The following CWC27 variants were observed in gnomAD, a reference collection of about 807,000 sequenced individuals.
The protein encoded by CWC27 is spliceosome-associated protein CWC27 homolog.
Under a neutral mutation model 63.6 loss-of-function variants are expected in CWC27, and 47 were observed. The ratio of observed to expected loss-of-function variants is 0.74; its 90% CI spans 0.58 to 0.94. The LOEUF is 0.94. Among genes scored for constraint, CWC27 ranks in the 40% least tolerant of loss-of-function variants. The pLI, the probability that CWC27 is intolerant of heterozygous loss-of-function variation, is 0.00. For synonymous variants in CWC27, 175 were observed against 179.8 expected (o/e 0.97, Z 0.22); for missense variants, 495 against 554.3 (o/e 0.89, Z 1.07).
At chr5:64,857,934 G>A (rs1379877868) in intron 10 of CWC27, among the ~76,000 whole-genome samples, 1 of 150,026 alleles carries the variant, frequency 6.7e-6, no homozygotes, top group East Asian at 2.0e-4. Flanking sequence ...TCAGGAGATC[G>A]AGACCATCCT....
intron 13 of CWC27, among the ~76,000 whole-genome samples, chr5:64,999,905 A>C (rs2112465036): frequency 6.6e-6 from 1 of 151,090 alleles, no homozygotes; most frequent in East Asian, 1.9e-4. Context: ...TTTCTGAGAA[A>C]CCTCCATACT....
intron 11 of CWC27, among the ~76,000 whole-genome samples, chr5:64,968,640 C>A (rs1434925187): frequency 1.3e-5 from 2 of 152,036 alleles, no homozygotes; most frequent in Admixed American, 6.5e-5. Context: ...CTAGTAATGG[C>A]AAAAATGTGG....
intron 7 of CWC27, among the ~76,000 whole-genome samples, chr5:64,799,915 G>A (rs1353898807): frequency 1.3e-5 from 2 of 151,904 alleles, no homozygotes; most frequent in African/African-American, 2.4e-5. Flanking sequence ...CTCTTGTGAT[G>A]TAGCTTCTAA....
intron 13 of CWC27, 112 bp downstream of exon 13, chr5:64,977,350 A>G (rs980523174): frequency 3.0e-6 from 2 of 667,184 alleles, no homozygotes; most frequent in African/African-American, 3.7e-5. Context: ...TACCATCACC[A>G]TTATAGGACC....
intron 10 of CWC27, among the ~76,000 whole-genome samples, chr5:64,812,406 A>G (rs191933400): frequency 6.2e-4 from 95 of 152,224 alleles, no homozygotes; most frequent in African/African-American, 2.2e-3. Context: ...TTTTGTCCCA[A>G]CGTGTTGGAC....
chr5:64,981,898 A>G (rs1452847581), intron 13 of CWC27, among the ~76,000 whole-genome samples: 19 of 152,236 alleles, frequency 1.2e-4, no homozygotes, highest in Admixed American at 1.2e-3. Context: ...TCCTTCTACG[A>G]TAACCCTATG....
intron 10 of CWC27, among the ~76,000 whole-genome samples, chr5:64,835,428 T>C (rs781104548): frequency 1.3e-5 from 2 of 151,854 alleles, no homozygotes; most frequent in African/African-American, 2.4e-5. Flanking sequence ...ATGCAAACCC[T>C]GTAGATTGCT....
intron 11 of CWC27, among the ~76,000 whole-genome samples, chr5:64,895,269 G>A (rs1451194256): frequency 2.6e-5 from 4 of 151,726 alleles, no homozygotes; most frequent in African/African-American, 7.3e-5. Flanking sequence ...TATAGCATAT[G>A]ATATGTGAAA....
chr5:64,904,089 C>G lies in CWC27; in HGVS notation c.1042+18543C>G, dbSNP rs1301328459. Among the ~76,000 whole-genome samples the G allele has an allele frequency of 2.0e-5, 3 of 152,314 alleles. No individual in the cohort carries two copies. In the East Asian group the frequency reaches 5.8e-4, roughly 29 times the overall value. On this transcript the variant is annotated intron_variant, in intron 11 of 13. Transcript: ENST00000381070. ...CCTTCATGAGCAGTCTCCTCAAAGA[C>G]CACCATGCTTCTACAAACAGTTTAA...
At chr5:64,823,094 T>C (rs1259708822) in intron 10 of CWC27, among the ~76,000 whole-genome samples, 6 of 152,210 alleles carry the variant, frequency 3.9e-5, no homozygotes, top group Non-Finnish European at 5.9e-5. Context: ...TTTCTGAATC[T>C]CCTGCTTCCT....
At chr5:64,901,150 T>C (rs1166464093) in intron 11 of CWC27, among the ~76,000 whole-genome samples, 1 of 152,220 alleles carries the variant, frequency 6.6e-6, no homozygotes, top group African/African-American at 2.4e-5. Flanking sequence ...TATAGCATAT[T>C]ACTGTACTGA....
At chr5:64,937,921 C>CTTTTTTTTTT (rs1211082437) in intron 11 of CWC27, among the ~76,000 whole-genome samples, 20 of 99,296 alleles carry the variant, frequency 2.0e-4, no homozygotes, top group African/African-American at 8.0e-4. Context: ...GCAATCTCTG[C>CTTTTTTTTTT]TTTTTTTTTT....
intron 13 of CWC27, among the ~76,000 whole-genome samples, chr5:64,980,402 A>G (rs918347105): frequency 6.6e-6 from 1 of 152,188 alleles, no homozygotes; most frequent in Non-Finnish European, 1.5e-5. Context: ...GGTTAGATGA[A>G]GCTTGGTGAG....
rs114176222 is a variant in CWC27, at chr5:64,872,528, A to G, written c.939-12915A>G. On this transcript the variant is annotated intron_variant, in intron 10 of 13. Transcript: ENST00000381070. Reference sequence around the variant, plus strand: ...TACATGCCGATGAAAGTCTAGATGAATGCCAGAGAAACTTCCACCTCATTT... The same window carrying G: ...TACATGCCGATGAAAGTCTAGATGAGTGCCAGAGAAACTTCCACCTCATTT... Among the ~76,000 whole-genome samples, 428 of 152,344 alleles carry G rather than the reference A, an allele frequency of 2.8e-3. 5 individuals carry two copies. The highest frequency in any genetic ancestry group is 9.7e-3 in the African/African-American group (405 of 41,580).
intron 2 of CWC27, among the ~76,000 whole-genome samples, chr5:64,776,484 CT>C (rs1743460504): frequency 6.6e-6 from 1 of 151,876 alleles, no homozygotes; most frequent in Admixed American, 6.6e-5. Context: ...AATTATTCCC[CT>C]ATTTATAATA....
At chr5:64,772,765 G>A (rs1327303199) in intron 1 of CWC27, among the ~76,000 whole-genome samples, 7 of 149,822 alleles carry the variant, frequency 4.7e-5, no homozygotes, top group Non-Finnish European at 5.9e-5. Context: ...GTGAAACCCC[G>A]TCTCTACTAA....
chr5:65,013,187 A>G (rs895478414), intron 13 of CWC27, among the ~76,000 whole-genome samples: 1 of 152,222 alleles, frequency 6.6e-6, no homozygotes. Context: ...CACTAGTATG[A>G]GTGAGTGGAA....
At chr5:64,806,481 T>A (rs10434543) in intron 10 of CWC27, among the ~76,000 whole-genome samples, 55,152 of 151,994 alleles carry the variant, frequency 0.36, 10,584 homozygotes, top group East Asian at 0.51. Context: ...AACTGTTCTG[T>A]TCCCCCACAT....
intron 13 of CWC27, among the ~76,000 whole-genome samples, 173 bp downstream of exon 13, chr5:64,977,411 C>T (rs914128113): frequency 1.3e-5 from 2 of 152,128 alleles, no homozygotes; most frequent in African/African-American, 4.8e-5. Flanking sequence ...AATAAATAAA[C>T]ACACCAAGCA....
Sources: allele counts gnomAD v4.1 joint callset (sites outside exome capture counted in the v4.1 genomes callset), GRCh38; gene constraint gnomAD v4.1.1; transcripts MANE v1.5; gene names NCBI Gene and HGNC (gene_info 2026-07-23, HGNC 2026-07-21).